The following ADAMTSL1 variants were observed in gnomAD, a reference collection of about 807,000 sequenced individuals.
The protein encoded by ADAMTSL1 is ADAMTS-like protein 1.
In ADAMTSL1, 126 loss-of-function variants were observed where a neutral mutation model predicts 201.8. The ratio of observed to expected loss-of-function variants is 0.62; its 90% confidence interval spans 0.54 to 0.72. The LOEUF (loss-of-function observed/expected upper bound fraction) is 0.72, where lower values mean the gene tolerates loss of function less well. ADAMTSL1 is among the 30% of genes least tolerant of loss of function. ADAMTSL1 has a pLI of 0.00. For missense variants in ADAMTSL1, 2,679 were observed against 2,277.8 expected (o/e 1.18, Z -3.59); for synonymous variants, 1,121 against 903.4 (o/e 1.24, Z -4.32).
At chr9:18,442,396 A>T (rs906964980) in intron 2 of ADAMTSL1, among the ~76,000 whole-genome samples, 6 of 152,192 alleles carry the variant, frequency 3.9e-5, no homozygotes, top group African/African-American at 1.4e-4. Context: ...AAGAGGATTG[A>T]TGTGGACTTG....
intron 1 of ADAMTSL1, among the ~76,000 whole-genome samples, chr9:17,942,185 T>G (rs1392050033): frequency 6.6e-6 from 1 of 151,982 alleles, no homozygotes; most frequent in African/African-American, 2.4e-5. Flanking sequence ...GGGTACTGAG[T>G]GTCTGTTTGG....
intron 26 of ADAMTSL1, among the ~76,000 whole-genome samples, chr9:18,896,713 T>A (rs1829658608): frequency 6.6e-6 from 1 of 152,112 alleles, no homozygotes; most frequent in South Asian, 2.1e-4. Flanking sequence ...CTCCTACATA[T>A]CTTTGCAATC....
intron 9 of ADAMTSL1, among the ~76,000 whole-genome samples, chr9:18,673,930 GA>G (rs999374235): frequency 3.0e-4 from 45 of 150,812 alleles, no homozygotes; most frequent in African/African-American, 8.5e-4. Context: ...AGTCCTTTTA[GA>G]AAAAAAAATT....
At chr9:18,555,783 T>A (rs146451285) in intron 3 of ADAMTSL1, among the ~76,000 whole-genome samples, 5 of 151,836 alleles carry the variant, frequency 3.3e-5, no homozygotes, top group Admixed American at 2.0e-4. Context: ...GAGTGAAACA[T>A]TGAGAGAATG....
At chr9:18,897,942 C>G (rs1255671701) in intron 26 of ADAMTSL1, among the ~76,000 whole-genome samples, 1 of 151,724 alleles carries the variant, frequency 6.6e-6, no homozygotes, top group Non-Finnish European at 1.5e-5. Context: ...TTTTGGGAGG[C>G]CGACGCAGGT....
chr9:18,071,468 G>C (rs1015642631), intron 1 of ADAMTSL1, among the ~76,000 whole-genome samples: 18 of 152,190 alleles, frequency 1.2e-4, no homozygotes, highest in African/African-American at 4.1e-4. Context: ...TCAGTTAAAA[G>C]ATTAGTAAGT....
intron 2 of ADAMTSL1, among the ~76,000 whole-genome samples, chr9:18,312,148 G>A (rs1241529209): frequency 6.6e-6 from 1 of 152,174 alleles, no homozygotes; most frequent in Non-Finnish European, 1.5e-5. Flanking sequence ...ATTACGGATA[G>A]CTGCCATTTG....
intron 1 of ADAMTSL1, among the ~76,000 whole-genome samples, chr9:18,124,849 T>G (rs1160038727): frequency 6.6e-6 from 1 of 152,190 alleles, no homozygotes; most frequent in Non-Finnish European, 1.5e-5. Flanking sequence ...TGTTTTTTCT[T>G]TCCTTTGAGA....
chr9:18,386,224 G>A (rs887831217), intron 2 of ADAMTSL1, among the ~76,000 whole-genome samples: 1 of 152,072 alleles, frequency 6.6e-6, no homozygotes, highest in Admixed American at 6.6e-5. Context: ...ATATACTGTT[G>A]GTTCATGGAA....
chr9:18,325,313 A>G (rs1258504427), intron 2 of ADAMTSL1, among the ~76,000 whole-genome samples: 4 of 152,370 alleles, frequency 2.6e-5, no homozygotes, highest in Non-Finnish European at 5.9e-5. Flanking sequence ...GTTTTGTTCA[A>G]GCCAGCCTAA....
intron 2 of ADAMTSL1, among the ~76,000 whole-genome samples, chr9:18,297,236 G>T (rs1833510918): frequency 6.6e-6 from 1 of 152,188 alleles, no homozygotes; most frequent in Non-Finnish European, 1.5e-5. Context: ...TTACTGCACA[G>T]TATTAAAGTG....
chr9:18,235,075 T>C (rs1021691555), intron 2 of ADAMTSL1, among the ~76,000 whole-genome samples: 2 of 152,132 alleles, frequency 1.3e-5, no homozygotes, highest in African/African-American at 4.8e-5. Flanking sequence ...GTTTTTCTGA[T>C]TTCATTTCTC....
At chr9:18,427,870 A>G (rs904930622) in intron 2 of ADAMTSL1, among the ~76,000 whole-genome samples, 1 of 152,216 alleles carries the variant, frequency 6.6e-6, no homozygotes, top group Non-Finnish European at 1.5e-5. Context: ...GTTCCTACTC[A>G]TTTCCCATGA....
chr9:18,175,347 C>G (rs867136286), intron 2 of ADAMTSL1, among the ~76,000 whole-genome samples: 1 of 152,336 alleles, frequency 6.6e-6, no homozygotes, highest in East Asian at 1.9e-4. Flanking sequence ...CACCAGCTGG[C>G]TGCCCATCCA....
At chr9:18,646,742 A>G (rs1398735426) in intron 7 of ADAMTSL1, among the ~76,000 whole-genome samples, 1 of 152,152 alleles carries the variant, frequency 6.6e-6, no homozygotes, top group Non-Finnish European at 1.5e-5. Flanking sequence ...GATGAAGCCC[A>G]CTTGATCATG....
chr9:18,638,832 G>A (rs1406349555), intron 6 of ADAMTSL1, among the ~76,000 whole-genome samples: 2 of 152,038 alleles, frequency 1.3e-5, no homozygotes, highest in East Asian at 3.9e-4. Flanking sequence ...CGGGTACTGA[G>A]GCAACTCAGA....
At chr9:17,948,202 G>A (rs1827585821) in intron 1 of ADAMTSL1, among the ~76,000 whole-genome samples, 1 of 152,316 alleles carries the variant, frequency 6.6e-6, no homozygotes, top group African/African-American at 2.4e-5. Flanking sequence ...TAAATTAATA[G>A]TCATAGCTTT....
intron 2 of ADAMTSL1, among the ~76,000 whole-genome samples, chr9:18,235,357 G>A (rs1188205062): frequency 1.3e-5 from 2 of 152,078 alleles, no homozygotes; most frequent in South Asian, 4.1e-4. Flanking sequence ...CACATCAAAG[G>A]TACCTGCTAT....
rs375153276 is a variant in ADAMTSL1 at position 17,940,196 on chromosome 9, G to T, written c.87+33274G>T. ...AATGCTTTTGTTTGCATGTGTGTTTGTGTTTTAGCATAATGAAATGATATA... is the reference window on the plus strand; with the variant it reads ...AATGCTTTTGTTTGCATGTGTGTTTTTGTTTTAGCATAATGAAATGATATA... On this transcript the variant is annotated intron_variant, in intron 1 of 29. Transcript: ENST00000680146. Among the ~76,000 whole-genome samples, 19 of 152,232 alleles carry T rather than the reference G, an allele frequency of 1.2e-4. No homozygotes were observed. In the South Asian group the frequency reaches 1.9e-3, roughly 15 times the overall value.
Sources: gnomAD v4.1 joint callset for allele counts (sites outside exome capture counted in the v4.1 genomes callset) on GRCh38, gnomAD v4.1.1 for gene constraint, MANE v1.5 for transcripts, NCBI Gene and HGNC (gene_info 2026-07-23, HGNC 2026-07-21) for gene names.